The following IFT43 variants were observed in gnomAD, a reference collection of about 807,000 sequenced individuals.
IFT43 encodes intraflagellar transport protein 43 homolog.
IFT43 carries 33 observed loss-of-function variants against 32.3 expected under a neutral mutation model. The observed-to-expected ratio is 1.02, with a 90% confidence interval of 0.77 to 1.37. The LOEUF is 1.37. Among genes scored for constraint, IFT43 ranks in the 40% most tolerant of loss-of-function variants. The pLI is 0.00. For synonymous variants in IFT43, 93 were observed against 98.2 expected (o/e 0.95, Z 0.31); for missense variants, 274 against 265.9 (o/e 1.03, Z -0.21).
chr14:76,058,401 G>A, intron 3 of IFT43: 1 of 462,198 alleles, frequency 2.2e-6, no homozygotes, highest in East Asian at 4.4e-5. Context: ...CGCTCAACCT[G>A]CACTTACACT....
chr14:75,999,271 ATGTATATATATTTTTTTT>A (rs2035833027), intron 2 of IFT43, among the ~76,000 whole-genome samples: 2 of 25,814 alleles, frequency 7.7e-5, no homozygotes, highest in African/African-American at 4.1e-4. Context: ...ATATATATAT[ATGTATATATATTTTTTTT>A]TTTTTTTTTT....
intron 5 of IFT43, among the ~76,000 whole-genome samples, chr14:76,074,923 G>A (rs976526620): frequency 4.6e-5 from 7 of 152,208 alleles, no homozygotes; most frequent in African/African-American, 1.7e-4. Flanking sequence ...AGGGGGCTGT[G>A]AGGAGCAGTC....
chr14:76,057,242 A>ATT (rs11458529), intron 3 of IFT43, among the ~76,000 whole-genome samples: 3 of 151,244 alleles, frequency 2.0e-5, no homozygotes, highest in South Asian at 2.1e-4. Flanking sequence ...TTATATTATT[A>ATT]TTTTTTTTGA....
intron 3 of IFT43, among the ~76,000 whole-genome samples, chr14:76,040,283 C>T (rs1454468633): frequency 6.6e-6 from 1 of 152,106 alleles, no homozygotes; most frequent in Non-Finnish European, 1.5e-5. Flanking sequence ...ACAGAGTACT[C>T]CAAAATTTCC....
At chr14:76,072,201 T>C (rs1455224007) in intron 5 of IFT43, among the ~76,000 whole-genome samples, 2 of 152,200 alleles carry the variant, frequency 1.3e-5, no homozygotes, top group African/African-American at 4.8e-5. Context: ...TTTTACATGA[T>C]GAGTTCAAGA....
intron 7 of IFT43, 100 bp from the exon 8 acceptor site, chr14:76,083,127 G>A: frequency 1.6e-6 from 2 of 1,274,240 alleles, no homozygotes; most frequent in Middle Eastern, 1.8e-4. Context: ...CTCAGTTTGG[G>A]AAGTTCTGAC....
At chr14:76,012,656 C>T (rs958252471) in intron 2 of IFT43, among the ~76,000 whole-genome samples, 5 of 152,236 alleles carry the variant, frequency 3.3e-5, no homozygotes, top group African/African-American at 4.8e-5. Flanking sequence ...TTCCCACACT[C>T]GGAGACGTGA....
chr14:76,052,292 A>G (rs892045165), intron 3 of IFT43, among the ~76,000 whole-genome samples: 3 of 151,844 alleles, frequency 2.0e-5, no homozygotes, highest in Non-Finnish European at 4.4e-5. Context: ...ATTCCATTAA[A>G]CTCGAGAGAA....
chr14:76,016,337 G>A (rs1279522810), intron 2 of IFT43, among the ~76,000 whole-genome samples: 1 of 152,030 alleles, frequency 6.6e-6, no homozygotes, highest in African/African-American at 2.4e-5. Context: ...TATGTTGTAG[G>A]TGTTGTTTTC....
chr14:76,041,397 C>T (rs1180366395), intron 3 of IFT43, among the ~76,000 whole-genome samples: 1 of 152,146 alleles, frequency 6.6e-6, no homozygotes, highest in Non-Finnish European at 1.5e-5. Context: ...TTTTTCTGGA[C>T]TGGTAGAAAG....
chr14:76,054,938 C>G (rs2036982518), intron 3 of IFT43, among the ~76,000 whole-genome samples: 1 of 152,230 alleles, frequency 6.6e-6, no homozygotes, highest in Non-Finnish European at 1.5e-5. Flanking sequence ...GCAGAACTTC[C>G]ATATCAGATT....
rs542011731 is a variant in IFT43, at chr14:76,061,019, A to G, written c.295+1646A>G. Reference sequence around the variant, plus strand: ...TGGGTTTAAGTAATTCTCCTGCCTCAGCCTCCTGACTAGCTGGGACTACAG... The same window carrying G: ...TGGGTTTAAGTAATTCTCCTGCCTCGGCCTCCTGACTAGCTGGGACTACAG... On this transcript the variant is annotated intron_variant, in intron 5 of 8. Coordinates refer to ENST00000314067, the MANE Select transcript of IFT43 (RefSeq NM_001102564.3). Among the ~76,000 whole-genome samples the G allele has an allele frequency of 5.7e-4, 86 of 152,108 alleles. 1 individual carries two copies. The highest frequency in any genetic ancestry group is 1.7e-3 in the African/African-American group (70 of 41,480).
chr14:75,985,872 G>A (rs754845646), intron 1 of IFT43, 32 bp downstream of exon 1: 3 of 1,611,418 alleles, frequency 1.9e-6, no homozygotes, highest in Non-Finnish European at 1.7e-6. Context: ...TTGGGGGCCA[G>A]GATTTGGCGG....
At chr14:76,061,003 G>A (rs1490257842) in intron 5 of IFT43, among the ~76,000 whole-genome samples, 2 of 152,108 alleles carry the variant, frequency 1.3e-5, no homozygotes, top group Admixed American at 6.5e-5. Context: ...CTGGGTTTAA[G>A]TAATTCTCCT....
intron 3 of IFT43, among the ~76,000 whole-genome samples, chr14:76,036,175 A>G (rs1178238522): frequency 6.6e-6 from 1 of 152,158 alleles, no homozygotes; most frequent in Non-Finnish European, 1.5e-5. Context: ...TGACATTAGG[A>G]TGCATATCAA....
rs201966792 is a variant in IFT43 at position 75,985,802 on chromosome 14, G to C, written c.16G>C (p.Asp6His). The C allele has an allele frequency of 6.1e-4, 979 of 1,614,076 alleles. 1 individual carries two copies. The highest frequency in any genetic ancestry group is 7.7e-4 in the Non-Finnish European group (914 of 1,180,052). MEDLL[D>H]LDEELRYSLA... ...GGCCGCGGAGATGGAGGATTTGCTCGACTTGGACGAGGAGCTTCGCTACAG... is the reference window on the plus strand; with the variant it reads ...GGCCGCGGAGATGGAGGATTTGCTCCACTTGGACGAGGAGCTTCGCTACAG... The change falls in exon 1 of 9, where the codon GAC becomes CAC. Residue 6 changes from aspartate to histidine, a missense_variant. By Grantham distance (81) the Asp-to-His change is moderately conservative (BLOSUM62 -1). Coordinates refer to ENST00000314067, the MANE Select transcript of IFT43 (RefSeq NM_001102564.3).
chr14:76,037,274 A>G (rs1429340254), intron 3 of IFT43, among the ~76,000 whole-genome samples: 1 of 152,206 alleles, frequency 6.6e-6, no homozygotes, highest in Admixed American at 6.5e-5. Flanking sequence ...TTGAAGGCAC[A>G]GGTATGAGAA....
At chr14:76,002,759 A>G (rs187412232) in intron 2 of IFT43, among the ~76,000 whole-genome samples, 27 of 152,354 alleles carry the variant, frequency 1.8e-4, no homozygotes, top group Non-Finnish European at 3.1e-4. Flanking sequence ...AATAATTTGG[A>G]AGAATAATGG....
chr14:76,027,540 T>G (rs1713382108), intron 3 of IFT43, among the ~76,000 whole-genome samples: 1 of 152,062 alleles, frequency 6.6e-6, no homozygotes, highest in Non-Finnish European at 1.5e-5. Flanking sequence ...AAACCCCGTC[T>G]CTACTAAAAA....
Sources: allele counts gnomAD v4.1 joint callset (sites outside exome capture counted in the v4.1 genomes callset), GRCh38; gene constraint gnomAD v4.1.1; transcripts MANE v1.5; gene names NCBI Gene and HGNC (gene_info 2026-07-23, HGNC 2026-07-21).